TCERG1L: variants seen among roughly 807,000 people sequenced by gnomAD.
The protein encoded by TCERG1L is transcription elongation regulator 1 like, also known as transcription elongation regulator 1-like protein.
Under a neutral mutation model 56.3 loss-of-function variants are expected in TCERG1L, and 37 were observed. That is an observed-to-expected ratio of 0.66 (90% CI 0.51 to 0.87). The LOEUF (loss-of-function observed/expected upper bound fraction) is 0.87. Ranked by LOEUF, TCERG1L falls within the 40% of genes least tolerant of loss-of-function variation. TCERG1L has a pLI of 0.00. For missense variants in TCERG1L, 799 were observed against 774.2 expected, an observed-to-expected ratio of 1.03 and a Z score of -0.38; for synonymous variants, 324 against 326.3, an observed-to-expected ratio of 0.99 and a Z score of 0.08.
At chr10:131,117,691 C>T (rs1845473254) in intron 8 of TCERG1L, among the ~76,000 whole-genome samples, 1 of 152,212 alleles carries the variant, frequency 6.6e-6, no homozygotes, top group East Asian at 1.9e-4. Context: ...ACCAGCACTC[C>T]CTTCCGAACC....
At chr10:131,119,271 A>G (rs573950010) in intron 8 of TCERG1L, among the ~76,000 whole-genome samples, 1 of 152,346 alleles carries the variant, frequency 6.6e-6, no homozygotes, top group African/African-American at 2.4e-5. Flanking sequence ...CAGGGGCTGT[A>G]ATATGGATTA....
intron 3 of TCERG1L, among the ~76,000 whole-genome samples, chr10:131,296,617 C>T (rs1044857555): frequency 6.6e-6 from 1 of 152,200 alleles, no homozygotes; most frequent in African/African-American, 2.4e-5. Context: ...CTTCCTTTGC[C>T]TGTCCATATT....
chr10:131,253,463 G>C (rs1801554984), intron 4 of TCERG1L, among the ~76,000 whole-genome samples: 1 of 152,024 alleles, frequency 6.6e-6, no homozygotes, highest in African/African-American at 2.4e-5. Flanking sequence ...TGGGAAATTC[G>C]AATCCCCAAA....
intron 4 of TCERG1L, among the ~76,000 whole-genome samples, chr10:131,255,678 C>T (rs184943454): frequency 2.8e-4 from 42 of 152,348 alleles, no homozygotes; most frequent in African/African-American, 7.7e-4. Context: ...AGATGGCTAA[C>T]GGCTAACGTA....
intron 7 of TCERG1L, among the ~76,000 whole-genome samples, chr10:131,143,745 A>C (rs543952395): frequency 1.6e-4 from 25 of 152,286 alleles, no homozygotes; most frequent in Middle Eastern, 6.8e-3. Flanking sequence ...CGAGAACCGC[A>C]TGGCACGGAA....
At chr10:131,276,025 G>T (rs574658702) in intron 3 of TCERG1L, among the ~76,000 whole-genome samples, 1 of 152,338 alleles carries the variant, frequency 6.6e-6, no homozygotes, top group African/African-American at 2.4e-5. Context: ...GCAGGATCCT[G>T]CTCCAAGGCC....
intron 6 of TCERG1L, among the ~76,000 whole-genome samples, chr10:131,160,409 C>T (rs998701531): frequency 1.3e-5 from 2 of 151,940 alleles, no homozygotes; most frequent in East Asian, 3.9e-4. Context: ...TGGCCCTACA[C>T]CCCGCCACTC....
chr10:131,253,557 A>T (rs1159871070), intron 4 of TCERG1L, among the ~76,000 whole-genome samples: 1 of 152,192 alleles, frequency 6.6e-6, no homozygotes, highest in Non-Finnish European at 1.5e-5. Flanking sequence ...GCTGACCAGC[A>T]TATTCAGCGG....
At chr10:131,095,739 TA>T (rs1845238863) in intron 11 of TCERG1L, 1 of 152,216 alleles carries the variant, frequency 6.6e-6, no homozygotes, top group Non-Finnish European at 1.5e-5. Flanking sequence ...TTATGTTGTA[TA>T]GTTTAAATAT....
At position 131,124,415 on chromosome 10, in the gene TCERG1L, G is replaced by A. The variant is rs555169559; in HGVS notation, c.1260-7481C>T. ...CTTGGCACCGCAGACCTTGCCCTTC[G>A]GAGCGATGCTTCTGGAATTTGTCCA... On this transcript the variant is annotated intron_variant, in intron 8 of 11. Coordinates refer to ENST00000368642, the MANE Select transcript of TCERG1L (RefSeq NM_174937.4). Among the ~76,000 whole-genome samples the A allele has an allele frequency of 1.1e-4, 17 of 152,274 alleles. 1 individual carries two copies. Among genetic ancestry groups the A allele is most frequent in the South Asian group, 4.1e-4 (2 of 4,824 alleles).
chr10:131,311,339 G>GGCGGCA lies in TCERG1L; in HGVS notation c.296_297insTGCCGC (p.Ala104_Ala105dup), dbSNP rs979933345. The GGCGGCA allele has an allele frequency of 1.9e-5, 23 of 1,204,566 alleles. No individual in the cohort carries two copies. The highest frequency in any genetic ancestry group is 1.3e-4 in the Admixed American group (3 of 22,548). The allele number at this position is 1,204,566 out of a possible 1,614,324, so 74.6% of individuals were successfully genotyped here. The stretch of plus-strand genomic sequence containing the variant: ...AGGGGTGCGCGGCGGCGGCGGCGGC[G>GGCGGCA]GAGTCTGGCGCAGAGGGCAGCGGCA... On this transcript the variant is annotated inframe_insertion, in exon 1 of 12. Transcript: ENST00000368642. The surrounding 1 kb of genome is among the most constrained non-coding windows in gnomAD (Gnocchi z 4.0).
intron 4 of TCERG1L, among the ~76,000 whole-genome samples, chr10:131,227,365 C>T (rs138925399): frequency 2.0e-5 from 3 of 152,346 alleles, no homozygotes; most frequent in Non-Finnish European, 4.4e-5. Context: ...GGTGGACACG[C>T]GGTGTGGGCA....
At chr10:131,147,508 G>A (rs760369399) in intron 6 of TCERG1L, among the ~76,000 whole-genome samples, 3 of 152,202 alleles carry the variant, frequency 2.0e-5, no homozygotes. Context: ...GGGGCTCTGG[G>A]TTTAACCCCT....
intron 4 of TCERG1L, among the ~76,000 whole-genome samples, chr10:131,190,902 CA>C (rs1207714783): frequency 4.2e-5 from 6 of 143,486 alleles, no homozygotes; most frequent in Non-Finnish European, 9.2e-5. Flanking sequence ...AAAAGGCATC[CA>C]AATTGGAAAA....
chr10:131,249,888 C>G (rs555624836), intron 4 of TCERG1L, among the ~76,000 whole-genome samples: 7 of 152,334 alleles, frequency 4.6e-5, no homozygotes, highest in South Asian at 2.1e-4. Flanking sequence ...AAGCAGCACT[C>G]TCTGCTTGTT....
intron 11 of TCERG1L, among the ~76,000 whole-genome samples, chr10:131,094,610 C>T (rs193149457): frequency 9.2e-5 from 14 of 152,218 alleles, no homozygotes; most frequent in Non-Finnish European, 1.8e-4. Flanking sequence ...GCAAGAAAAG[C>T]GCTTCTCTCT....
At chr10:131,284,570 A>G (rs1846498606) in intron 3 of TCERG1L, among the ~76,000 whole-genome samples, 1 of 152,162 alleles carries the variant, frequency 6.6e-6, no homozygotes, top group South Asian at 2.1e-4. Flanking sequence ...CAAGTTGAAA[A>G]ATGTACCCAA....
rs780451199 is a variant in TCERG1L, at chr10:131,260,347, G to C, written c.768C>G (p.Leu256=). Residue 256 remains leucine (L), a synonymous_variant, in exon 4 of 12, where the codon CTC becomes CTG. Coordinates refer to ENST00000368642, the MANE Select transcript of TCERG1L (RefSeq NM_174937.4). This position sits in a 1 kb window ranked among gnomAD's most constrained non-coding sequence, Gnocchi z 5.8. ...AAMVSVDPEN[L]RGPSPSSVQP... ...GCACGCTGGAGGGGGACGGGCCCCGGAGGTTCTCAGGGTCCACGGAGACCA... is the reference window on the plus strand; with the variant it reads ...GCACGCTGGAGGGGGACGGGCCCCGCAGGTTCTCAGGGTCCACGGAGACCA... The C allele has an allele frequency of 6.7e-7, 1 of 1,484,722 alleles. No homozygotes were observed. The highest frequency in any genetic ancestry group is 1.5e-5 in the African/African-American group (1 of 67,600). The allele number at this position is 1,484,722 out of a possible 1,614,324, so 92.0% of individuals were successfully genotyped here. A position where few individuals can be genotyped will look rare whatever the true frequency, so the allele number is the denominator to read the frequency against.
In TCERG1L at chr10:131,285,564, A is replaced by G. The variant is rs1192573117; in HGVS notation, c.670+22647T>C. 4.5e-4 allele frequency among the ~76,000 whole-genome samples: 61 copies of G among 135,154 alleles called. 4 individuals carry two copies. In the East Asian group the frequency reaches 0.01, roughly 23 times the overall value. 88.7% of individuals were successfully genotyped at this position (135,154 alleles called of 152,430 possible). A position where few individuals can be genotyped will look rare whatever the true frequency, so the allele number is the denominator to read the frequency against. ...AAAGAAAGAAAGGAAGGAAGAAAGA[A>G]AAAGAAAGAAAGAAAGAAAAAAAAT... On this transcript the variant is annotated intron_variant, in intron 3 of 11. Coordinates refer to ENST00000368642, the MANE Select transcript of TCERG1L (RefSeq NM_174937.4).
Sources: allele counts gnomAD v4.1 joint callset (sites outside exome capture counted in the v4.1 genomes callset), GRCh38; gene constraint gnomAD v4.1.1; non-coding constraint Gnocchi (gnomAD v3.1); transcripts MANE v1.5; gene names NCBI Gene and HGNC (gene_info 2026-07-23, HGNC 2026-07-21).